Variants in PCNX3 observed in about 807,000 individuals in gnomAD.
The protein encoded by PCNX3 is pecanex-like protein 3.
Under a neutral mutation model 207.2 loss-of-function variants are expected in PCNX3, and 58 were observed. That is an observed-to-expected ratio of 0.28 (90% CI 0.23 to 0.35). The LOEUF (loss-of-function observed/expected upper bound fraction) is 0.35. PCNX3 is among the 10% of genes least tolerant of loss of function. The pLI is 1.00. For missense variants in PCNX3, 2,410 were observed against 2,774.4 expected (o/e 0.87, Z 2.95); for synonymous variants, 1,337 against 1,183.5 (o/e 1.13, Z -2.66).
At chr11:65,630,673 G>T in intron 27 of PCNX3, 69 bp downstream of exon 27, 4 of 1,551,496 alleles carry the variant, frequency 2.6e-6, no homozygotes, top group Non-Finnish European at 3.5e-6. Context: ...AGAGGCCCCA[G>T]TACCCCCTTT....
At chr11:65,624,609 T>TG in intron 15 of PCNX3, 28 bp downstream of exon 15, 6 of 1,548,222 alleles carry the variant, frequency 3.9e-6, no homozygotes, top group Non-Finnish European at 5.3e-6. Context: ...GGCTCAGGGA[T>TG]GGGGCCCGTG....
chr11:65,634,952 CCT>C lies in PCNX3; in HGVS notation c.4806-20_4806-19del, dbSNP rs769691215. On this transcript the variant is annotated intron_variant, in intron 29 of 34. Coordinates refer to ENST00000355703, the MANE Select transcript of PCNX3 (RefSeq NM_032223.4). ...GTCCTCGACACCCCTCTCTCCCCTC[CCT>C]GTTTTTCCTCCCACTTAGCCTGGAG... The C allele has an allele frequency of 5.4e-5, 87 of 1,603,560 alleles. No individual in the cohort carries two copies. Among genetic ancestry groups the C allele is most frequent in the Non-Finnish European group, 7.0e-5 (82 of 1,172,570 alleles).
At chr11:65,621,037 G>A in intron 10 of PCNX3, 71 bp downstream of exon 10, 1 of 1,464,014 alleles carries the variant, frequency 6.8e-7, no homozygotes, top group Non-Finnish European at 9.0e-7. Context: ...AGTCCGGCCT[G>A]CATAGAGAGC....
Position 65,635,553 on chromosome 11 carries a change from C to T in PCNX3, c.5209C>T (p.Leu1737=), listed in dbSNP as rs970806462. Residue 1737 remains leucine, a synonymous_variant, in exon 32 of 35, where the codon CTG becomes TTG. Transcript: ENST00000355703. This position sits in a 1 kb window ranked among gnomAD's most constrained non-coding sequence, Gnocchi z 9.9. ...GGTGAACCGGGAGTGCGTGCGCGGC[C>T]TGTGGGCCGGGCAGCAGCAGGAGCT... The part of the protein sequence containing the change: ...IKVNRECVRG[L]WAGQQQELVF... 8.7e-6 allele frequency: 14 copies of T among 1,611,650 alleles called. No individual in the cohort carries two copies. Among genetic ancestry groups the T allele is most frequent in the Non-Finnish European group, 1.1e-5 (13 of 1,179,664 alleles).
Position 65,636,472 on chromosome 11 carries a change from C to T in PCNX3, c.5675C>T (p.Pro1892Leu). 3 of 1,565,100 alleles carry T rather than the reference C, an allele frequency of 1.9e-6. No individual in the cohort carries two copies. Among genetic ancestry groups the T allele is most frequent in the Non-Finnish European group, 1.7e-6 (2 of 1,157,088 alleles). Residue 1892 changes from proline (P) to leucine (L), a missense_variant, in exon 34 of 35, where the codon CCA becomes CTA. By Grantham distance (98) the Pro-to-Leu change is moderately conservative (BLOSUM62 -3). Coordinates refer to ENST00000355703, the MANE Select transcript of PCNX3 (RefSeq NM_032223.4). ...SLSGSGDGRPPPLLQWPPPRL... is the reference protein window; with the variant it reads ...SLSGSGDGRPLPLLQWPPPRL... ...AGTGGCTCTGGTGATGGGCGGCCCC[C>T]ACCTCTGCTGCAGTGGCCTCCCCCT...
chr11:65,626,703 C>A, intron 20 of PCNX3: 1 of 664,660 alleles, frequency 1.5e-6, no homozygotes, highest in Non-Finnish European at 2.5e-6. Context: ...TGCCATAAAG[C>A]AAGCCTCGAT....
chr11:65,630,371 G>A lies in PCNX3; in HGVS notation c.4237G>A (p.Glu1413Lys). The change falls in exon 27 of 35, where the codon GAG becomes AAG. Residue 1413 changes from glutamate (E) to lysine (K), a missense_variant. Glu to Lys is a moderately conservative substitution (Grantham distance 56). Coordinates refer to ENST00000355703, the MANE Select transcript of PCNX3 (RefSeq NM_032223.4). ...CACAGGCACTTACTGCCAGCAGCGC[G>A]AGGTGGAGGCTATCACCGAGGGTGT... Reference protein sequence around the residue: ...EFRGTYCQQREVEAITEGVEE... With the variant: ...EFRGTYCQQRKVEAITEGVEE... 1 of 1,613,282 alleles carries A rather than the reference G, an allele frequency of 6.2e-7. No individual in the cohort carries two copies. The highest frequency in any genetic ancestry group is 8.5e-7 in the Non-Finnish European group (1 of 1,179,874).
At chr11:65,627,367 C>A (rs1282973689) in intron 21 of PCNX3, 38 bp from the exon 22 acceptor site, 1 of 1,593,460 alleles carries the variant, frequency 6.3e-7, no homozygotes, top group Non-Finnish European at 8.5e-7. Flanking sequence ...CTGCCCCGGT[C>A]CCCTACCAAG....
At position 65,636,776 on chromosome 11, in the gene PCNX3, A is replaced by ACCTCAG. The variant is rs142310983; in HGVS notation, c.5930_5935dup (p.Leu1977_Ser1978dup). ...TCCCCCCTCCCCCAGGCGCCTCTAGACCTCAGCCTCAGCCTCAGCCTCAGC... is the reference window on the plus strand; with the variant it reads ...TCCCCCCTCCCCCAGGCGCCTCTAGACCTCAGCCTCAGCCTCAGCCTCAGCCTCAGC... On this transcript the variant is annotated inframe_insertion, in exon 35 of 35. Transcript: ENST00000355703. The ACCTCAG allele has an allele frequency of 2.8e-4, 429 of 1,545,574 alleles. 3 individuals are homozygous for ACCTCAG. Among genetic ancestry groups the ACCTCAG allele is most frequent in the Middle Eastern group, 5.0e-4 (3 of 5,974 alleles).
chr11:65,622,628 C>T (rs1008984073), intron 11 of PCNX3, among the ~76,000 whole-genome samples: 2 of 152,234 alleles, frequency 1.3e-5, no homozygotes, highest in Admixed American at 6.5e-5. Context: ...CGGAGTCTCT[C>T]TCTGTCGTCC....
In PCNX3 at chr11:65,618,304, G is replaced by A; in HGVS notation, c.942G>A (p.Lys314=). The A allele has an allele frequency of 6.2e-7, 1 of 1,610,334 alleles. No homozygotes were observed. The change falls in exon 6 of 35, where the codon AAG becomes AAA. Residue 314 remains lysine, a synonymous_variant. Transcript: ENST00000355703. The part of the protein sequence containing the change: ...GTDRETLSSF[K]SEKTNSTHLD... Reference sequence around the variant, plus strand: ...ACAGGGAGACATTGAGCAGCTTCAAGAGTGAGAAGACCAACTCCACCCATC... The same window carrying A: ...ACAGGGAGACATTGAGCAGCTTCAAAAGTGAGAAGACCAACTCCACCCATC...
intron 15 of PCNX3, 87 bp from the exon 16 acceptor site, chr11:65,624,838 C>A: frequency 7.3e-7 from 1 of 1,364,196 alleles, no homozygotes; most frequent in Non-Finnish European, 1.0e-6. Flanking sequence ...GGGAGGCCAG[C>A]CTCTGGGAGT....
At chr11:65,626,139 G>A (rs770952349) in intron 20 of PCNX3, 85 bp downstream of exon 20, 1 of 1,524,780 alleles carries the variant, frequency 6.6e-7, no homozygotes, top group Non-Finnish European at 8.8e-7. Flanking sequence ...TCTCGGCTCA[G>A]GAGTGCCAGC....
rs764124303 is a variant in PCNX3 at position 65,634,652 on chromosome 11, G to A, written c.4805+11G>A. The A allele has an allele frequency of 2.6e-5, 40 of 1,567,854 alleles. No individual in the cohort carries two copies. In the Middle Eastern group the frequency reaches 7.5e-4, roughly 29 times the overall value. On this transcript the variant is annotated intron_variant, in intron 29 of 34. Transcript: ENST00000355703. ...CAGCATGTCTGCAAGGTGAGTGCTC[G>A]GGTGTCCCGCGGGGCCTACTGCCGT...
intron 20 of PCNX3, chr11:65,626,415 C>T (rs1306974159): frequency 2.3e-6 from 1 of 434,340 alleles, no homozygotes; most frequent in Non-Finnish European, 4.4e-6. Context: ...CACTGGGCTG[C>T]ATAATGGTTT....
Position 65,636,677 on chromosome 11 carries a change from C to T in PCNX3, c.5880C>T (p.Thr1960=), listed in dbSNP as rs774798973. 88 of 1,582,556 alleles carry T rather than the reference C, an allele frequency of 5.6e-5. No individual in the cohort carries two copies. Among genetic ancestry groups the T allele is most frequent in the Non-Finnish European group, 7.2e-5 (84 of 1,166,648 alleles). The change falls in exon 34 of 35, where the codon ACC becomes ACT. Residue 1960 remains threonine, a synonymous_variant. Coordinates refer to ENST00000355703, the MANE Select transcript of PCNX3 (RefSeq NM_032223.4). ...CCTCAGGGAGCCCCAAAGGAGGTAC[C>T]CCCAAATCTCAGGTAAGGCACCTGT... ...EPASGSPKGG[T]PKSQAPLDLS...
chr11:65,616,754 T>C lies in PCNX3; in HGVS notation c.154-70T>C, dbSNP rs189188520. Reference sequence around the variant, plus strand: ...GTGAGTCTGTGAATCCCAGCTATGATGTTGATGGCAGGTACATCCTGTGGG... The same window carrying C: ...GTGAGTCTGTGAATCCCAGCTATGACGTTGATGGCAGGTACATCCTGTGGG... On this transcript the variant is annotated intron_variant, in intron 1 of 34. Coordinates refer to ENST00000355703, the MANE Select transcript of PCNX3 (RefSeq NM_032223.4). 4.6e-3 allele frequency: 6,859 copies of C among 1,505,156 alleles called. 23 individuals carry two copies. Among genetic ancestry groups the C allele is most frequent in the Admixed American group, 6.8e-3 (361 of 53,462 alleles). The allele number at this position is 1,505,156 out of a possible 1,614,324, so 93.2% of individuals were successfully genotyped here. A position where few individuals can be genotyped will look rare whatever the true frequency, so the allele number is the denominator to read the frequency against.
In PCNX3 at chr11:65,625,152, G is replaced by A; in HGVS notation, c.2920-19G>A. 3 of 1,589,014 alleles carry A rather than the reference G, an allele frequency of 1.9e-6. No individual in the cohort carries two copies. Among genetic ancestry groups the A allele is most frequent in the Non-Finnish European group, 1.7e-6 (2 of 1,164,268 alleles). Reference sequence around the variant, plus strand: ...ATGCTTACCTCACCTCCCCTGACCAGCATGGATTCTCTCCGCAGACTCCGT... The same window carrying A: ...ATGCTTACCTCACCTCCCCTGACCAACATGGATTCTCTCCGCAGACTCCGT... On this transcript the variant is annotated intron_variant, in intron 16 of 34. Transcript: ENST00000355703. This position sits in a 1 kb window ranked among gnomAD's most constrained non-coding sequence, Gnocchi z 5.6.
intron 11 of PCNX3, among the ~76,000 whole-genome samples, chr11:65,622,927 C>G (rs1181147405): frequency 6.6e-6 from 1 of 151,462 alleles, no homozygotes; most frequent in Non-Finnish European, 1.5e-5. Context: ...TTTTTATTAG[C>G]TTCTGTTGAT....
Sources: gnomAD v4.1 joint callset for allele counts (sites outside exome capture counted in the v4.1 genomes callset) on GRCh38, gnomAD v4.1.1 for gene constraint, Gnocchi (gnomAD v3.1) non-coding constraint, MANE v1.5 for transcripts, NCBI Gene and HGNC (gene_info 2026-07-23, HGNC 2026-07-21) for gene names.